Variants in MPPED2 observed in about 807,000 individuals in gnomAD.
MPPED2 encodes metallophosphoesterase MPPED2.
MPPED2 carries 5 observed loss-of-function variants against 33.0 expected under a neutral mutation model. The ratio of observed to expected loss-of-function variants is 0.15; its 90% confidence interval spans 0.08 to 0.32. MPPED2 has a LOEUF of 0.32. MPPED2 is among the 10% of genes least tolerant of loss of function. The pLI is 1.00. For missense variants in MPPED2, 275 were observed against 372.1 expected (o/e 0.74, Z 2.15); for synonymous variants, 136 against 141.9 (o/e 0.96, Z 0.29).
Position 30,414,227 on chromosome 11 carries a change from C to T in MPPED2, c.766+1G>A. 2 of 1,607,966 alleles carry T rather than the reference C, an allele frequency of 1.2e-6. No homozygotes were observed. Among genetic ancestry groups the T allele is most frequent in the Non-Finnish European group, 1.7e-6 (2 of 1,174,456 alleles). ...TTTGAATTCTTTTCCGCTGTTCTTA[C>T]CTTCATGGATTCCACCAAACACATG... On this transcript the variant is annotated splice_donor_variant, in intron 6 of 6. Transcript: ENST00000358117. LOFTEE classifies it high-confidence loss of function.
At chr11:30,472,500 C>T (rs929603840) in intron 4 of MPPED2, among the ~76,000 whole-genome samples, 6 of 152,150 alleles carry the variant, frequency 3.9e-5, no homozygotes, top group Non-Finnish European at 8.8e-5. Flanking sequence ...GCTCCAAGTA[C>T]CTTCACAACC....
At chr11:30,507,552 T>G (rs1456906552) in intron 3 of MPPED2, among the ~76,000 whole-genome samples, 3 of 152,164 alleles carry the variant, frequency 2.0e-5, no homozygotes, top group Non-Finnish European at 4.4e-5. Flanking sequence ...AGTACAATAT[T>G]TACAAAGAAA....
At chr11:30,562,013 C>T (rs1956260264) in intron 2 of MPPED2, among the ~76,000 whole-genome samples, 1 of 152,196 alleles carries the variant, frequency 6.6e-6, no homozygotes, top group Non-Finnish European at 1.5e-5. Context: ...TCAAACTGAG[C>T]TTTGTAAAAT....
chr11:30,415,239 A>G (rs1948292564), intron 5 of MPPED2, among the ~76,000 whole-genome samples: 1 of 152,190 alleles, frequency 6.6e-6, no homozygotes, highest in Non-Finnish European at 1.5e-5. Flanking sequence ...GTGTCTCTGT[A>G]AAGACATATT....
chr11:30,462,554 T>C (rs1041190554), intron 4 of MPPED2, among the ~76,000 whole-genome samples: 1 of 152,194 alleles, frequency 6.6e-6, no homozygotes, highest in Non-Finnish European at 1.5e-5. Flanking sequence ...TTTTAAGTAT[T>C]ATTTTAAACA....
At position 30,440,501 on chromosome 11, in the gene MPPED2, G is replaced by A. The variant is rs1471064534; in HGVS notation, c.537-22868C>T. Among the ~76,000 whole-genome samples the A allele has an allele frequency of 1.2e-4, 19 of 152,252 alleles. No individual in the cohort carries two copies. In the East Asian group the frequency reaches 2.7e-3, roughly 22 times the overall value. On this transcript the variant is annotated intron_variant, in intron 4 of 6. Transcript: ENST00000358117. ...TTCTAGTCCTTTACAGAAAACATTT[G>A]CTGACCCCTGTTCTGGACTCTGGAG...
chr11:30,568,729 C>T (rs1956560575), intron 2 of MPPED2, among the ~76,000 whole-genome samples: 1 of 152,058 alleles, frequency 6.6e-6, no homozygotes, highest in African/African-American at 2.4e-5. Context: ...AAAGCAAAAC[C>T]CCTTATTTAA....
chr11:30,422,638 G>A (rs1282845837), intron 4 of MPPED2, among the ~76,000 whole-genome samples: 2 of 152,192 alleles, frequency 1.3e-5, no homozygotes, highest in African/African-American at 2.4e-5. Flanking sequence ...GTGTAGCAAT[G>A]GGGGTGAGGG....
intron 2 of MPPED2, among the ~76,000 whole-genome samples, chr11:30,577,335 G>A (rs886960606): frequency 2.6e-5 from 4 of 152,146 alleles, no homozygotes; most frequent in African/African-American, 9.7e-5. Context: ...ATCATTAAAG[G>A]GATAGGGTTT....
intron 6 of MPPED2, among the ~76,000 whole-genome samples, chr11:30,412,575 A>G (rs1010894474): frequency 1.3e-5 from 2 of 152,184 alleles, no homozygotes; most frequent in African/African-American, 4.8e-5. Flanking sequence ...CCTGTGGAGA[A>G]CTTAATGAGG....
At position 30,434,013 on chromosome 11, in the gene MPPED2, G is replaced by C. The variant is rs117333070; in HGVS notation, c.537-16380C>G. Among the ~76,000 whole-genome samples, 84 of 152,170 alleles carry C rather than the reference G, an allele frequency of 5.5e-4. No individual in the cohort carries two copies. The East Asian group carries it at 0.016, about 28-fold the overall frequency. ...TTGGCTCCTGGCCCTAAATTACTCT[G>C]ACTTCTGCTTCTGTGGCCACAACTC... On this transcript the variant is annotated intron_variant, in intron 4 of 6. Coordinates refer to ENST00000358117, the MANE Select transcript of MPPED2 (RefSeq NM_001584.3).
chr11:30,523,755 G>A (rs1002816394), intron 3 of MPPED2, among the ~76,000 whole-genome samples: 2 of 150,356 alleles, frequency 1.3e-5, no homozygotes, highest in African/African-American at 4.9e-5. Flanking sequence ...AGCCTCCCAA[G>A]TAGCTGGGAT....
At chr11:30,384,243 T>G (rs1947676592), downstream of MPPED2, among the ~76,000 whole-genome samples, 2 of 152,184 alleles carry the variant, frequency 1.3e-5, no homozygotes, top group African/African-American at 2.4e-5. Context: ...TGAATCTGCT[T>G]CTACTCTGTA....
At chr11:30,491,344 T>C (rs1009962689) in intron 4 of MPPED2, among the ~76,000 whole-genome samples, 1 of 152,230 alleles carries the variant, frequency 6.6e-6, no homozygotes, top group Non-Finnish European at 1.5e-5. Context: ...TCATTCCTCA[T>C]GTTTTACAAC....
At chr11:30,455,309 C>T (rs892932059) in intron 4 of MPPED2, among the ~76,000 whole-genome samples, 1 of 152,158 alleles carries the variant, frequency 6.6e-6, no homozygotes, top group African/African-American at 2.4e-5. Flanking sequence ...ATACTCTGTC[C>T]CACCAACCAA....
At chr11:30,433,686 G>T (rs940519677) in intron 4 of MPPED2, among the ~76,000 whole-genome samples, 1 of 152,128 alleles carries the variant, frequency 6.6e-6, no homozygotes, top group Non-Finnish European at 1.5e-5. Flanking sequence ...TGATTATTCT[G>T]AAGCTGTAGT....
chr11:30,408,440 T>G (rs1026386653), downstream of MPPED2, among the ~76,000 whole-genome samples: 2 of 152,072 alleles, frequency 1.3e-5, no homozygotes, highest in African/African-American at 4.8e-5. Context: ...GCCTTAGGAG[T>G]AGCTGGGATT....
intron 4 of MPPED2, chr11:30,452,221 C>G: frequency 1.7e-5 from 6 of 350,396 alleles, no homozygotes; most frequent in Non-Finnish European, 2.0e-5. Context: ...TCTGGCTGCA[C>G]TGACCCCTAT....
chr11:30,585,246 C>T (rs1183574019), intron 1 of MPPED2, among the ~76,000 whole-genome samples: 1 of 152,134 alleles, frequency 6.6e-6, no homozygotes, highest in Non-Finnish European at 1.5e-5. Flanking sequence ...ACTCGTCCCC[C>T]GTCGCCTAGC....
Sources: allele counts gnomAD v4.1 joint callset (sites outside exome capture counted in the v4.1 genomes callset), GRCh38; gene constraint gnomAD v4.1.1; transcripts MANE v1.5; gene names NCBI Gene and HGNC (gene_info 2026-07-23, HGNC 2026-07-21).